Variants in PEAK1 observed in about 807,000 individuals in gnomAD.
PEAK1 encodes the protein pseudopodium enriched atypical kinase 1.
PEAK1 carries 54 observed loss-of-function variants against 124.7 expected under a neutral mutation model. The observed-to-expected ratio is 0.43, with a 90% confidence interval of 0.35 to 0.54. PEAK1 has a LOEUF of 0.54. Ranked by LOEUF, PEAK1 falls within the 20% of genes least tolerant of loss-of-function variation. The pLI, the probability that PEAK1 is intolerant of heterozygous loss-of-function variation, is 0.01. For missense variants in PEAK1, 2,046 were observed against 2,134.5 expected, an observed-to-expected ratio of 0.96 and a Z score of 0.82; for synonymous variants, 719 against 760.0, an observed-to-expected ratio of 0.95 and a Z score of 0.89.
chr15:77,280,139 G>A (rs1011663588), intron 5 of PEAK1, among the ~76,000 whole-genome samples: 1 of 152,066 alleles, frequency 6.6e-6, no homozygotes, highest in African/African-American at 2.4e-5. Context: ...TCAGGAGTTC[G>A]AGGCCAGCCT....
At chr15:77,219,864 T>C (rs550156430) in intron 6 of PEAK1, among the ~76,000 whole-genome samples, 2 of 152,316 alleles carry the variant, frequency 1.3e-5, no homozygotes, top group African/African-American at 4.8e-5. Context: ...TTGGTTCTAC[T>C]ATAATTTTAT....
Position 77,180,078 on chromosome 15 carries a change from C to T in PEAK1, c.1849G>A (p.Ala617Thr). ...TTGATAGCATTTTTGGAACTCCGAGCATAAGTTGGCTCGTCATGAATGATA... is the reference window on the plus strand; with the variant it reads ...TTGATAGCATTTTTGGAACTCCGAGTATAAGTTGGCTCGTCATGAATGATA... ...PIIIHDEPTYARSSKNAIKVP... is the reference protein window; with the variant it reads ...PIIIHDEPTYTRSSKNAIKVP... Residue 617 changes from alanine to threonine, a missense_variant, in exon 7 of 10, where the codon GCT becomes ACT. By Grantham distance (58) the Ala-to-Thr change is moderately conservative. Transcript: ENST00000682557. 1 of 1,614,022 alleles carries T rather than the reference C, an allele frequency of 6.2e-7. No individual in the cohort carries two copies. The highest frequency in any genetic ancestry group is 1.1e-5 in the South Asian group (1 of 91,076).
At chr15:77,150,665 C>A (rs966862236) in intron 8 of PEAK1, among the ~76,000 whole-genome samples, 1 of 116,108 alleles carries the variant, frequency 8.6e-6, no homozygotes, top group Non-Finnish European at 1.7e-5. Context: ...CTCCCCCCTC[C>A]CCCCACCCCA....
At chr15:77,402,716 T>C (rs2071478793) in intron 1 of PEAK1, 1 of 985,272 alleles carries the variant, frequency 1.0e-6, no homozygotes, top group Non-Finnish European at 1.2e-6. Context: ...AACTGCTTTC[T>C]AAAGTTCTCA....
At chr15:77,372,766 G>A (rs2068735246) in intron 1 of PEAK1, among the ~76,000 whole-genome samples, 1 of 152,112 alleles carries the variant, frequency 6.6e-6, no homozygotes, top group Admixed American at 6.5e-5. Flanking sequence ...TTGGATCATG[G>A]GGGCAGTTTC....
At chr15:77,407,419 A>G (rs1226573541) in intron 1 of PEAK1, among the ~76,000 whole-genome samples, 1 of 152,146 alleles carries the variant, frequency 6.6e-6, no homozygotes, top group East Asian at 1.9e-4. Context: ...CAAACAAATC[A>G]GCAAGAAAAA....
chr15:77,148,406 C>T lies in PEAK1; in HGVS notation c.3331+10097G>A, dbSNP rs142889564. Reference sequence around the variant, plus strand: ...GGCAGATCTTAAGGAACTGGATCTGCACAGCTGTCACTATTTGTCACCTCT... The same window carrying T: ...GGCAGATCTTAAGGAACTGGATCTGTACAGCTGTCACTATTTGTCACCTCT... On this transcript the variant is annotated intron_variant, in intron 8 of 9. Coordinates refer to ENST00000682557, the MANE Select transcript of PEAK1 (RefSeq NM_001385026.1). Among the ~76,000 whole-genome samples the T allele has an allele frequency of 1.4e-3, 209 of 152,240 alleles. 1 individual carries two copies. Among genetic ancestry groups the T allele is most frequent in the Non-Finnish European group, 2.5e-3 (171 of 67,998 alleles).
At chr15:77,224,252 C>T (rs893542075) in intron 6 of PEAK1, among the ~76,000 whole-genome samples, 1 of 151,700 alleles carries the variant, frequency 6.6e-6, no homozygotes, top group African/African-American at 2.4e-5. Flanking sequence ...AACTAACATT[C>T]TTAACATTCC....
chr15:77,342,504 C>G (rs2066608551), intron 2 of PEAK1, among the ~76,000 whole-genome samples: 1 of 150,800 alleles, frequency 6.6e-6, no homozygotes, highest in Non-Finnish European at 1.5e-5. Flanking sequence ...TTTCCGGGCT[C>G]AAGTGATTCT....
intron 2 of PEAK1, among the ~76,000 whole-genome samples, chr15:77,314,018 C>A (rs2064709084): frequency 6.6e-6 from 1 of 151,834 alleles, no homozygotes; most frequent in South Asian, 2.1e-4. Flanking sequence ...CAGTATATAC[C>A]CTTGATATGA....
intron 1 of PEAK1, among the ~76,000 whole-genome samples, chr15:77,372,680 C>T (rs188982802): frequency 8.3e-4 from 126 of 152,234 alleles, no homozygotes; most frequent in Non-Finnish European, 1.1e-3. Flanking sequence ...TGATATGGTT[C>T]GGATATGTGT....
chr15:77,268,103 A>C (rs1203272131), intron 5 of PEAK1, among the ~76,000 whole-genome samples: 3 of 152,244 alleles, frequency 2.0e-5, no homozygotes, highest in African/African-American at 4.8e-5. Flanking sequence ...AACAAGTAGA[A>C]GAAAGAATAT....
At chr15:77,132,210 G>A (rs1299256136) in intron 9 of PEAK1, among the ~76,000 whole-genome samples, 1 of 151,740 alleles carries the variant, frequency 6.6e-6, no homozygotes, top group Non-Finnish European at 1.5e-5. Context: ...CCTCCTGGGT[G>A]GCTGGGACTA....
intron 6 of PEAK1, among the ~76,000 whole-genome samples, chr15:77,235,334 T>C (rs2060073044): frequency 6.6e-6 from 1 of 152,036 alleles, no homozygotes; most frequent in African/African-American, 2.4e-5. Flanking sequence ...TGGAACTTCC[T>C]AGAGACTTGT....
At chr15:77,406,639 C>G (rs2071845147) in intron 1 of PEAK1, among the ~76,000 whole-genome samples, 2 of 152,146 alleles carry the variant, frequency 1.3e-5, no homozygotes, top group Non-Finnish European at 2.9e-5. Context: ...ACAGATGACA[C>G]AAATGGAAAC....
At chr15:77,230,812 G>C (rs2059879895) in intron 6 of PEAK1, among the ~76,000 whole-genome samples, 1 of 152,032 alleles carries the variant, frequency 6.6e-6, no homozygotes, top group South Asian at 2.1e-4. Context: ...CAGCCTAGGA[G>C]ACAGAGTGAG....
intron 6 of PEAK1, among the ~76,000 whole-genome samples, chr15:77,222,566 T>C (rs935227630): frequency 3.3e-5 from 5 of 152,052 alleles, no homozygotes; most frequent in Non-Finnish European, 7.4e-5. Flanking sequence ...CAGGTTCTAC[T>C]GCAGAATCCA....
chr15:77,152,553 C>T (rs2054742435), intron 8 of PEAK1, among the ~76,000 whole-genome samples: 1 of 152,146 alleles, frequency 6.6e-6, no homozygotes, highest in Admixed American at 6.5e-5. Flanking sequence ...GAGAGGGCAT[C>T]CCTGTCTTGT....
At chr15:77,142,033 T>C (rs1448981859) in intron 8 of PEAK1, among the ~76,000 whole-genome samples, 2 of 152,118 alleles carry the variant, frequency 1.3e-5, no homozygotes, top group Non-Finnish European at 2.9e-5. Context: ...AGGACATCTT[T>C]AAGAAAGTAA....
Sources: allele counts gnomAD v4.1 joint callset (sites outside exome capture counted in the v4.1 genomes callset), GRCh38; gene constraint gnomAD v4.1.1; transcripts MANE v1.5; gene names NCBI Gene and HGNC (gene_info 2026-07-23, HGNC 2026-07-21).